Variants in TK2 observed in about 807,000 individuals in gnomAD.
The protein encoded by TK2 is thymidine kinase 2.
Under a neutral mutation model 41.9 loss-of-function variants are expected in TK2, and 35 were observed. The observed-to-expected ratio is 0.84, with a 90% CI of 0.64 to 1.11. The LOEUF is 1.11. Among genes scored for constraint, TK2 ranks in the 50% least tolerant of loss-of-function variants. The pLI is 0.00. For missense variants in TK2, 320 were observed against 351.1 expected (o/e 0.91, Z 0.71); for synonymous variants, 128 against 129.1 (o/e 0.99, Z 0.06).
At chr16:66,545,221 C>T (rs532503765) in intron 2 of TK2, among the ~76,000 whole-genome samples, 4 of 151,966 alleles carry the variant, frequency 2.6e-5, no homozygotes, top group African/African-American at 7.3e-5. Context: ...AACCTTATTA[C>T]ACAATCCCTA....
intron 4 of TK2, among the ~76,000 whole-genome samples, chr16:66,535,236 A>C (rs1366101513): frequency 6.6e-6 from 1 of 152,220 alleles, no homozygotes; most frequent in Admixed American, 6.5e-5. Flanking sequence ...GTGGAAACTT[A>C]TATAAAAATG....
chr16:66,516,080 A>T (rs1964603676), intron 8 of TK2, among the ~76,000 whole-genome samples: 1 of 151,758 alleles, frequency 6.6e-6, no homozygotes, highest in African/African-American at 2.4e-5. Flanking sequence ...AGGGAATAAG[A>T]CCCAATCTTA....
intron 2 of TK2, among the ~76,000 whole-genome samples, chr16:66,547,800 A>T (rs1015004530): frequency 1.3e-5 from 2 of 152,142 alleles, no homozygotes; most frequent in African/African-American, 4.8e-5. Context: ...ACAGGACTTG[A>T]ATGTTTACAA....
At chr16:66,529,366 G>C (rs922604592) in intron 5 of TK2, among the ~76,000 whole-genome samples, 1 of 152,218 alleles carries the variant, frequency 6.6e-6, no homozygotes, top group African/African-American at 2.4e-5. Flanking sequence ...TTTGATGGCA[G>C]GTGAGTCTCA....
rs149303745 is a variant in TK2 at position 66,509,466 on chromosome 16, T to C, written c.*2502A>G. The C allele has an allele frequency of 5.9e-5, 9 of 152,270 alleles. No homozygotes were observed. Among genetic ancestry groups the C allele is most frequent in the Non-Finnish European group, 1.2e-4 (8 of 68,048 alleles). 9.4% of individuals were successfully genotyped at this position (152,270 alleles called of 1,614,324 possible). On this transcript the variant is annotated 3_prime_UTR_variant, in exon 10 of 10. Transcript: ENST00000544898. Reference sequence around the variant, plus strand: ...GTATTTTTAAATGGTTATAATCATATATTTTACATGTACTGTCAAAAAGCT... The same window carrying C: ...GTATTTTTAAATGGTTATAATCATACATTTTACATGTACTGTCAAAAAGCT...
At chr16:66,521,241 A>G (rs1164855269) in intron 6 of TK2, among the ~76,000 whole-genome samples, 1 of 152,236 alleles carries the variant, frequency 6.6e-6, no homozygotes, top group Non-Finnish European at 1.5e-5. Flanking sequence ...GGGGGTCTGC[A>G]CATGGAGACA....
At chr16:66,527,389 T>C (rs1276121905) in intron 6 of TK2, among the ~76,000 whole-genome samples, 1 of 152,118 alleles carries the variant, frequency 6.6e-6, no homozygotes, top group Admixed American at 6.5e-5. Context: ...AGGAGAAGCC[T>C]TTTTAGTGGC....
chr16:66,519,932 GGCACAAGTA>G (rs1189450385), intron 6 of TK2, among the ~76,000 whole-genome samples: 2 of 152,186 alleles, frequency 1.3e-5, no homozygotes, highest in Non-Finnish European at 2.9e-5. Context: ...GGAGGCCAAG[GGCACAAGTA>G]GCCCTGTCTT....
chr16:66,516,291 C>T (rs530533117), intron 8 of TK2, among the ~76,000 whole-genome samples: 2 of 152,178 alleles, frequency 1.3e-5, no homozygotes, highest in Admixed American at 1.3e-4. Context: ...TGCAAAGGCA[C>T]ATTTGCATAA....
intron 5 of TK2, among the ~76,000 whole-genome samples, chr16:66,530,399 G>C (rs1299514043): frequency 6.6e-6 from 1 of 152,168 alleles, no homozygotes; most frequent in Admixed American, 6.5e-5. Flanking sequence ...TCTTCTAAGA[G>C]ACTCTGTCTC....
rs1964554669 is a variant in TK2 at position 66,514,617 on chromosome 16, C to G, written c.619-806G>C. On this transcript the variant is annotated intron_variant, in intron 8 of 9. Transcript: ENST00000544898. The surrounding 1 kb of genome is among the most constrained non-coding windows in gnomAD (Gnocchi z 4.2). ...GTGAGGACCCCTCTGCCCGGCCGCT[C>G]AGTCTGGGAAGTGAGGAGCCCCTCT... is the stretch of plus-strand genomic sequence containing the variant. Among the ~76,000 whole-genome samples, 1 of 152,046 alleles carries G rather than the reference C, an allele frequency of 6.6e-6. No individual in the cohort carries two copies. The highest frequency in any genetic ancestry group is 2.4e-5 in the African/African-American group (1 of 41,390).
rs918483840 is a variant in TK2 at position 66,508,978 on chromosome 16, G to C, written c.*2990C>G. 1 of 152,348 alleles carries C rather than the reference G, an allele frequency of 6.6e-6. No individual in the cohort carries two copies. The highest frequency in any genetic ancestry group is 1.9e-4 in the East Asian group (1 of 5,196). 9.4% of individuals were successfully genotyped at this position (152,348 alleles called of 1,614,324 possible). A position where few individuals can be genotyped will look rare whatever the true frequency, so the allele number is the denominator to read the frequency against. ...ATGGTGAGGGTGAGGATGAGGGTGG[G>C]ATGACGTGGGGGCAGAGGGGAGAGG... On this transcript the variant is annotated 3_prime_UTR_variant, in exon 10 of 10. Transcript: ENST00000544898.
intron 6 of TK2, among the ~76,000 whole-genome samples, chr16:66,520,040 A>G (rs1964734275): frequency 6.6e-6 from 1 of 152,160 alleles, no homozygotes; most frequent in African/African-American, 2.4e-5. Context: ...AGAAGAGAAG[A>G]GTATTTGACA....
At chr16:66,536,928 G>A (rs1260584157) in intron 4 of TK2, 36 bp downstream of exon 4, 3 of 1,613,634 alleles carry the variant, frequency 1.9e-6, no homozygotes, top group Admixed American at 1.7e-5. Context: ...TGCTTAAGGG[G>A]AAGCCGGGGG....
chr16:66,545,418 A>C (rs142545803), intron 2 of TK2, among the ~76,000 whole-genome samples: 5 of 152,358 alleles, frequency 3.3e-5, no homozygotes, highest in Non-Finnish European at 7.3e-5. Context: ...CAAACGTCTA[A>C]CAACTGGCAA....
intron 2 of TK2, 110 bp from the exon 3 acceptor site, chr16:66,542,063 A>G: frequency 8.2e-7 from 1 of 1,226,166 alleles, no homozygotes. Context: ...GGTTCAGTCC[A>G]AGACTTTCAC....
rs751067193 is a variant in TK2, at chr16:66,512,082, A to G, written c.700-16T>C. On this transcript the variant is annotated splice_polypyrimidine_tract_variant and intron_variant, in intron 9 of 9. Coordinates refer to ENST00000544898, the MANE Select transcript of TK2 (RefSeq NM_004614.5). The stretch of plus-strand genomic sequence containing the variant: ...CCTCAATCACCTGGAAATTAGACAC[A>G]TGGGTCACAAGGCTGCACTGACCTC... 5.6e-6 allele frequency: 9 copies of G among 1,609,364 alleles called. No individual in the cohort carries two copies. In the South Asian group the frequency reaches 7.7e-5, roughly 14 times the overall value.
intron 6 of TK2, among the ~76,000 whole-genome samples, chr16:66,519,164 T>A (rs190950735): frequency 6.6e-6 from 1 of 151,202 alleles, no homozygotes; most frequent in African/African-American, 2.4e-5. Flanking sequence ...GGTTTCACCG[T>A]GTTAGCCAGG....
chr16:66,539,382 T>G (rs1211084072), intron 3 of TK2, among the ~76,000 whole-genome samples: 1 of 152,020 alleles, frequency 6.6e-6, no homozygotes, highest in Non-Finnish European at 1.5e-5. Flanking sequence ...GTGGATCACT[T>G]GAGGTCAGGA....
Sources: allele counts gnomAD v4.1 joint callset (sites outside exome capture counted in the v4.1 genomes callset), GRCh38; gene constraint gnomAD v4.1.1; non-coding constraint Gnocchi (gnomAD v3.1); transcripts MANE v1.5; gene names NCBI Gene and HGNC (gene_info 2026-07-23, HGNC 2026-07-21).